The following EEA1 variants were observed in gnomAD, a reference collection of about 807,000 sequenced individuals.
EEA1 encodes the protein early endosome antigen 1, 162kD.
A neutral mutation model predicts 209.2 loss-of-function variants in EEA1; 111 were observed. That is an observed-to-expected ratio of 0.53 (90% CI 0.45 to 0.62). The LOEUF is 0.62. EEA1 is among the 20% of genes least tolerant of loss of function. The pLI is 0.00. For synonymous variants in EEA1, 536 were observed against 540.6 expected, an observed-to-expected ratio of 0.99 and a Z score of 0.12; for missense variants, 1,343 against 1,530.8, an observed-to-expected ratio of 0.88 and a Z score of 2.05.
At chr12:92,928,464 C>T (rs1881294995) in intron 1 of EEA1, among the ~76,000 whole-genome samples, 1 of 152,226 alleles carries the variant, frequency 6.6e-6, no homozygotes, top group South Asian at 2.1e-4. Context: ...GTAACATCTT[C>T]CTTCTCGGCT....
rs1874913626 is a variant in EEA1, at chr12:92,801,588, A to C, written c.2772+12T>G. The C allele has an allele frequency of 1.9e-6, 3 of 1,557,768 alleles. No homozygotes were observed. Among genetic ancestry groups the C allele is most frequent in the Non-Finnish European group, 2.6e-6 (3 of 1,153,404 alleles). On this transcript the variant is annotated intron_variant, in intron 20 of 28. Coordinates refer to ENST00000322349, the MANE Select transcript of EEA1 (RefSeq NM_003566.4). ...ACTTTACAGATTTTATGTTACAAAAAAAAAATCTTACCTCCTTCTCTTTTT... is the reference window on the plus strand; with the variant it reads ...ACTTTACAGATTTTATGTTACAAAACAAAAATCTTACCTCCTTCTCTTTTT...
chr12:92,890,577 A>C (rs1457618052), intron 2 of EEA1, among the ~76,000 whole-genome samples: 1 of 152,174 alleles, frequency 6.6e-6, no homozygotes, highest in Non-Finnish European at 1.5e-5. Flanking sequence ...GCTCAATACC[A>C]ATACCCATTG....
intron 13 of EEA1, among the ~76,000 whole-genome samples, chr12:92,823,167 T>A (rs914533283): frequency 6.6e-6 from 1 of 152,216 alleles, no homozygotes; most frequent in African/African-American, 2.4e-5. Flanking sequence ...CAAATCCATC[T>A]TTCACACATC....
intron 9 of EEA1, among the ~76,000 whole-genome samples, chr12:92,848,231 G>GAA (rs35943334): frequency 2.3e-4 from 31 of 135,768 alleles, no homozygotes; most frequent in Admixed American, 9.5e-4. Flanking sequence ...ACCTTTTCTA[G>GAA]AAAAAAAAAA....
At chr12:92,789,341 A>C (rs1874290827) in intron 21 of EEA1, among the ~76,000 whole-genome samples, 1 of 151,904 alleles carries the variant, frequency 6.6e-6, no homozygotes, top group Non-Finnish European at 1.5e-5. Flanking sequence ...AAAAGAAAAA[A>C]AACCCAGATC....
At chr12:92,786,702 G>A (rs538557699) in intron 22 of EEA1, among the ~76,000 whole-genome samples, 1 of 152,218 alleles carries the variant, frequency 6.6e-6, no homozygotes, top group East Asian at 1.9e-4. Context: ...TCCACCACTA[G>A]TCTATCCCAG....
chr12:92,855,668 TCTGA>T (rs928533842), intron 5 of EEA1, among the ~76,000 whole-genome samples: 2 of 152,198 alleles, frequency 1.3e-5, no homozygotes, highest in African/African-American at 2.4e-5. Context: ...TCCTAGTATA[TCTGA>T]CTTTTTGTTT....
chr12:92,776,633 T>C (rs1026389772), intron 28 of EEA1, among the ~76,000 whole-genome samples: 3 of 151,894 alleles, frequency 2.0e-5, no homozygotes, highest in Non-Finnish European at 4.4e-5. Context: ...AGTAACTAAG[T>C]TGGAAGACAA....
rs574090123 is a variant in EEA1, at chr12:92,885,392, C to T, written c.117+6237G>A. Reference sequence around the variant, plus strand: ...CCTACAGCTTGTCCAAAGTAGGAAGCCAAAGTCAATGTAAAGGTAAAAAGG... The same window carrying T: ...CCTACAGCTTGTCCAAAGTAGGAAGTCAAAGTCAATGTAAAGGTAAAAAGG... On this transcript the variant is annotated intron_variant, in intron 2 of 28. Coordinates refer to ENST00000322349, the MANE Select transcript of EEA1 (RefSeq NM_003566.4). Among the ~76,000 whole-genome samples, 10 of 152,140 alleles carry T rather than the reference C, an allele frequency of 6.6e-5. No homozygotes were observed. In the East Asian group the frequency reaches 1.7e-3, roughly 26 times the overall value.
chr12:92,874,687 C>T (rs1878802724), intron 2 of EEA1, among the ~76,000 whole-genome samples: 1 of 152,244 alleles, frequency 6.6e-6, no homozygotes, highest in Non-Finnish European at 1.5e-5. Flanking sequence ...GCCACCATAG[C>T]TTTAGGCTGC....
intron 1 of EEA1, among the ~76,000 whole-genome samples, chr12:92,920,880 A>G (rs1880957451): frequency 6.6e-6 from 1 of 151,130 alleles, no homozygotes; most frequent in Non-Finnish European, 1.5e-5. Context: ...AGAATCTACA[A>G]TGAACTCAAC....
intron 23 of EEA1, among the ~76,000 whole-genome samples, chr12:92,781,743 A>G (rs1184984207): frequency 6.6e-6 from 1 of 152,116 alleles, no homozygotes; most frequent in Non-Finnish European, 1.5e-5. Context: ...GCAGTAAGAA[A>G]AAAGGGTAGA....
rs1340252001 is a variant in EEA1, at chr12:92,787,901, TC to T, written c.3115del (p.Glu1039AsnfsTer5). 6.2e-7 allele frequency: 1 copy of T among 1,611,368 alleles called. No individual in the cohort carries two copies. Among genetic ancestry groups the T allele is most frequent in the East Asian group, 2.2e-5 (1 of 44,708 alleles). On this transcript the variant is annotated frameshift_variant, in exon 22 of 29. Transcript: ENST00000322349. LOFTEE classifies it high-confidence loss of function. Reference sequence around the variant, plus strand: ...TTGCCTGGTGGCTAGAAGTTCAGATTCCCTCCCATAGAAATCAGATTGAAGC... The same window carrying T: ...TTGCCTGGTGGCTAGAAGTTCAGATTCCTCCCATAGAAATCAGATTGAAGC... ...KQLQSDFYGR[E>X]SELLATRQDL... is the part of the protein sequence containing the mutation.
At position 92,908,590 on chromosome 12, in the gene EEA1, A is replaced by T. The variant is rs1369847152; in HGVS notation, c.25-16869T>A. Among the ~76,000 whole-genome samples, 6 of 147,716 alleles carry T rather than the reference A, an allele frequency of 4.1e-5. No individual in the cohort carries two copies. The East Asian group carries it at 1.2e-3, about 30-fold the overall frequency. ...AGTTTCTACTACATATCCTTTTGGG[A>T]TATAGCACAAAGCCAAAAAAAATTG... On this transcript the variant is annotated intron_variant, in intron 1 of 28. Coordinates refer to ENST00000322349, the MANE Select transcript of EEA1 (RefSeq NM_003566.4).
rs1167011611 is a variant in EEA1, at chr12:92,772,223, A to C, written c.*3788T>G. The C allele has an allele frequency of 1.3e-5, 2 of 151,964 alleles. No homozygotes were observed. Among genetic ancestry groups the C allele is most frequent in the Non-Finnish European group, 2.9e-5 (2 of 67,876 alleles). 9.4% of individuals were successfully genotyped at this position (151,964 alleles called of 1,614,324 possible). On this transcript the variant is annotated 3_prime_UTR_variant, in exon 29 of 29. Coordinates refer to ENST00000322349, the MANE Select transcript of EEA1 (RefSeq NM_003566.4). ...CTTTAAATGGTCATCTGGGTATTAA[A>C]TGCAGACACACAATGAAATAAGGGG...
At chr12:92,879,135 G>A (rs1462683102) in intron 2 of EEA1, 2 of 213,594 alleles carry the variant, frequency 9.4e-6, no homozygotes, top group Non-Finnish European at 1.9e-5. Flanking sequence ...ATAAACAAAT[G>A]AAATCTAGCA....
chr12:92,852,265 ACTC>A lies in EEA1; in HGVS notation c.549_551del (p.Arg183del). On this transcript the variant is annotated inframe_deletion, in exon 8 of 29. Transcript: ENST00000322349. ...CTTTTTGTTCAGCAGCTTCTCGAAG[ACTC>A]CTTTCTTCATCATACTTTGACTTTA... 1 of 1,596,878 alleles carries A rather than the reference ACTC, an allele frequency of 6.3e-7. No homozygotes were observed. Among genetic ancestry groups the A allele is most frequent in the Non-Finnish European group, 8.5e-7 (1 of 1,171,872 alleles).
At chr12:92,883,929 G>T in intron 2 of EEA1, 1 of 1,541,670 alleles carries the variant, frequency 6.5e-7, no homozygotes. Context: ...CAAACACAGA[G>T]CACTCCAGGG....
At chr12:92,799,742 G>A (rs374448100) in intron 20 of EEA1, among the ~76,000 whole-genome samples, 3 of 151,882 alleles carry the variant, frequency 2.0e-5, no homozygotes, top group Non-Finnish European at 2.9e-5. Context: ...AGCCGAGATC[G>A]TGCCACTGCA....
Sources: allele counts gnomAD v4.1 joint callset (sites outside exome capture counted in the v4.1 genomes callset), GRCh38; gene constraint gnomAD v4.1.1; transcripts MANE v1.5; gene names NCBI Gene and HGNC (gene_info 2026-07-23, HGNC 2026-07-21).